Variants in STAB2 observed in about 807,000 individuals in gnomAD.
STAB2 encodes stabilin-2.
Under a neutral mutation model 338.1 loss-of-function variants are expected in STAB2, and 288 were observed. The observed-to-expected ratio is 0.85, with a 90% CI of 0.77 to 0.94. The LOEUF (loss-of-function observed/expected upper bound fraction) is 0.94, where lower values mean the gene tolerates loss of function less well. STAB2 is among the 40% of genes least tolerant of loss of function. The pLI is 0.00. For missense variants in STAB2, 3,141 were observed against 3,210.1 expected (o/e 0.98, Z 0.52); for synonymous variants, 1,202 against 1,193.3 (o/e 1.01, Z -0.15).
intron 38 of STAB2, among the ~76,000 whole-genome samples, chr12:103,707,188 T>G (rs1879444158): frequency 6.6e-6 from 1 of 152,244 alleles, no homozygotes; most frequent in Non-Finnish European, 1.5e-5. Flanking sequence ...ATTTTCAGTC[T>G]CTAACTTGAA....
intron 9 of STAB2, 112 bp from the exon 10 acceptor site, chr12:103,648,572 GTCCCTA>G: frequency 1.5e-6 from 2 of 1,357,540 alleles, no homozygotes; most frequent in Non-Finnish European, 2.0e-6. Context: ...ATGCTCTCTT[GTCCCTA>G]TTCAACCCTG....
At chr12:103,715,992 C>G (rs934408623) in intron 43 of STAB2, 104 bp downstream of exon 43, 25 of 1,203,076 alleles carry the variant, frequency 2.1e-5, no homozygotes. Context: ...CTCTAAAGAG[C>G]TGCAGCTGAA....
intron 6 of STAB2, among the ~76,000 whole-genome samples, chr12:103,633,850 T>G (rs1220223439): frequency 6.6e-6 from 1 of 152,210 alleles, no homozygotes; most frequent in Non-Finnish European, 1.5e-5. Flanking sequence ...TCTGTGGGTA[T>G]GAGAAAAATG....
chr12:103,666,387 C>G, intron 19 of STAB2, 34 bp downstream of exon 19: 1 of 1,609,356 alleles, frequency 6.2e-7, no homozygotes, highest in Non-Finnish European at 8.5e-7. Context: ...GCACAGATCA[C>G]CCAAGCAGCC....
intron 31 of STAB2, among the ~76,000 whole-genome samples, chr12:103,694,829 T>C (rs536001452): frequency 6.6e-6 from 1 of 152,210 alleles, no homozygotes; most frequent in African/African-American, 2.4e-5. Flanking sequence ...GCCAGAAGGT[T>C]AATTATGCAG....
At chr12:103,635,266 T>C (rs1327564311) in intron 6 of STAB2, among the ~76,000 whole-genome samples, 1 of 152,204 alleles carries the variant, frequency 6.6e-6, no homozygotes, top group Non-Finnish European at 1.5e-5. Flanking sequence ...TTTTGCCTGC[T>C]CGTGATAATG....
At chr12:103,762,213 G>T (rs544318533) in intron 66 of STAB2, 61 bp from the exon 67 acceptor site, 2 of 1,597,726 alleles carry the variant, frequency 1.3e-6, no homozygotes, top group East Asian at 2.2e-5. Context: ...GCCACCAAGG[G>T]TTCCCCTTTT....
At chr12:103,705,453 C>A (rs1467016230) in intron 36 of STAB2, among the ~76,000 whole-genome samples, 179 bp from the exon 37 acceptor site, 6 of 152,258 alleles carry the variant, frequency 3.9e-5, no homozygotes, top group Admixed American at 1.3e-4. Context: ...GGCATTCCGG[C>A]AACCAACATT....
chr12:103,681,019 T>C (rs1361692785), intron 25 of STAB2, among the ~76,000 whole-genome samples: 1 of 152,186 alleles, frequency 6.6e-6, no homozygotes, highest in Non-Finnish European at 1.5e-5. Flanking sequence ...GACAAACCTA[T>C]GTATAACGCT....
chr12:103,722,317 T>C (rs1399090259), intron 44 of STAB2, among the ~76,000 whole-genome samples: 1 of 152,280 alleles, frequency 6.6e-6, no homozygotes, highest in East Asian at 1.9e-4. Flanking sequence ...GAAGAAAATG[T>C]TTCAAGAGGA....
intron 63 of STAB2, among the ~76,000 whole-genome samples, chr12:103,757,037 T>C (rs944933570): frequency 1.4e-5 from 2 of 142,322 alleles, no homozygotes; most frequent in African/African-American, 5.1e-5. Flanking sequence ...ATATAAAATA[T>C]ATATATTAAA....
rs779162639 is a variant in STAB2, at chr12:103,740,744, C to T, written c.5869C>T (p.Arg1957Ter). Residue 1957 changes from arginine (R) to a stop codon, truncating the protein, a stop_gained, in exon 55 of 69, where the codon CGA becomes TGA. Coordinates refer to ENST00000388887, the MANE Select transcript of STAB2 (RefSeq NM_017564.10). LOFTEE classifies it high-confidence loss of function. ...IPRCCKGYFGRDCQACPGGPD... is the reference protein window; with the variant it reads ...IPRCCKGYFG ...CAGGTGCTGCAAGGGCTACTTCGGG[C>T]GAGACTGTCAGGGTGAGGGTGCCTC... The T allele has an allele frequency of 1.8e-5, 29 of 1,585,908 alleles. No individual in the cohort carries two copies. The highest frequency in any genetic ancestry group is 1.8e-5 in the Non-Finnish European group (21 of 1,169,974).
chr12:103,709,894 C>T (rs1879697110), intron 39 of STAB2, among the ~76,000 whole-genome samples: 1 of 152,160 alleles, frequency 6.6e-6, no homozygotes, highest in Admixed American at 6.5e-5. Context: ...CTTGCTTTCT[C>T]TACTCTGAAG....
In STAB2 at chr12:103,685,053, A is replaced by G; in HGVS notation, c.2966A>G (p.Asp989Gly). The G allele has an allele frequency of 1.2e-6, 2 of 1,613,936 alleles. No individual in the cohort carries two copies. Among genetic ancestry groups the G allele is most frequent in the Non-Finnish European group, 1.7e-6 (2 of 1,179,878 alleles). ...SCVCQEGYEG[D>G]GFLCYGNAAV... ...GTTTGTCAAGAGGGCTATGAAGGAG[A>G]TGGCTTTCTGTGCTATGGAAACGCA... is the stretch of plus-strand genomic sequence containing the variant. The change falls in exon 27 of 69, where the codon GAT becomes GGT. Residue 989 changes from aspartate to glycine, a missense_variant. Transcript: ENST00000388887.
At chr12:103,629,018 T>G (rs1030036427) in intron 5 of STAB2, among the ~76,000 whole-genome samples, 1 of 152,202 alleles carries the variant, frequency 6.6e-6, no homozygotes, top group African/African-American at 2.4e-5. Context: ...GTGTAGTTGT[T>G]GGTATTGTTA....
intron 65 of STAB2, among the ~76,000 whole-genome samples, chr12:103,759,491 G>A (rs1428770011): frequency 3.9e-5 from 6 of 152,208 alleles, no homozygotes; most frequent in African/African-American, 1.2e-4. Context: ...CTGGTTATGG[G>A]GAAGGATAAT....
At chr12:103,655,831 T>G (rs946012296) in intron 15 of STAB2, among the ~76,000 whole-genome samples, 1 of 152,148 alleles carries the variant, frequency 6.6e-6, no homozygotes, top group Non-Finnish European at 1.5e-5. Context: ...AAATGAAATG[T>G]ATTTGCAATC....
chr12:103,688,439 T>G (rs1877627807), intron 28 of STAB2, among the ~76,000 whole-genome samples: 1 of 152,148 alleles, frequency 6.6e-6, no homozygotes, highest in African/African-American at 2.4e-5. Context: ...TGATCAGAGG[T>G]TTGCTCTGAG....
At chr12:103,669,491 T>C (rs768775105) in intron 20 of STAB2, 50 bp from the exon 21 acceptor site, 14 of 1,435,646 alleles carry the variant, frequency 9.8e-6, no homozygotes, top group South Asian at 3.4e-5. Flanking sequence ...CTTTGAGGAA[T>C]TGGTGCTCTA....
Sources: gnomAD v4.1 joint callset for allele counts (sites outside exome capture counted in the v4.1 genomes callset) on GRCh38, gnomAD v4.1.1 for gene constraint, MANE v1.5 for transcripts, NCBI Gene and HGNC (gene_info 2026-07-23, HGNC 2026-07-21) for gene names.